Variants in DISC1 observed in about 807,000 individuals in gnomAD.
The protein encoded by DISC1 is DISC1 scaffold protein.
DISC1 carries 57 observed loss-of-function variants against 84.5 expected under a neutral mutation model. The ratio of observed to expected loss-of-function variants is 0.67; its 90% CI spans 0.55 to 0.84. DISC1 has a LOEUF of 0.84. DISC1 is among the 40% of genes least tolerant of loss of function. The pLI, the probability that DISC1 is intolerant of heterozygous loss-of-function variation, is 0.00. For synonymous variants in DISC1, 411 were observed against 415.2 expected, an observed-to-expected ratio of 0.99 and a Z score of 0.12; for missense variants, 1,000 against 1,057.8, an observed-to-expected ratio of 0.95 and a Z score of 0.76.
At chr1:231,802,516 A>G (rs1382542015) in intron 8 of DISC1, among the ~76,000 whole-genome samples, 5 of 152,148 alleles carry the variant, frequency 3.3e-5, no homozygotes, top group Admixed American at 3.3e-4. Flanking sequence ...TAGTGTGAGA[A>G]AGGACTAATA....
At chr1:231,762,514 G>GTT (rs752334318) in intron 4 of DISC1, among the ~76,000 whole-genome samples, 2 of 52,844 alleles carry the variant, frequency 3.8e-5, no homozygotes, top group African/African-American at 4.9e-5. Context: ...GTTTTGTTTT[G>GTT]TTTTTTTTTT....
At chr1:231,985,336 CAAAAAAAAAA>C (rs59619547) in intron 10 of DISC1, among the ~76,000 whole-genome samples, 44 of 99,708 alleles carry the variant, frequency 4.4e-4, no homozygotes, top group African/African-American at 1.4e-3. Context: ...CCCCACCCAC[CAAAAAAAAAA>C]AAAAAAAAAG....
chr1:232,031,086 G>A lies in DISC1; in HGVS notation c.2425+4534G>A, dbSNP rs775880595. ...TGCACACTACTACACTCCAGCCTGGGCAACAAAGTAAGACACTGCCAAAGA... is the reference window on the plus strand; with the variant it reads ...TGCACACTACTACACTCCAGCCTGGACAACAAAGTAAGACACTGCCAAAGA... On this transcript the variant is annotated intron_variant, in intron 12 of 12. Transcript: ENST00000439617. The surrounding 1 kb of genome is among the most constrained non-coding windows in gnomAD (Gnocchi z 4.6). Among the ~76,000 whole-genome samples, 3 of 151,630 alleles carry A rather than the reference G, an allele frequency of 2.0e-5. No individual in the cohort carries two copies. The highest frequency in any genetic ancestry group is 6.6e-5 in the Admixed American group (1 of 15,216).
chr1:231,790,457 T>A (rs2078246169), intron 6 of DISC1, among the ~76,000 whole-genome samples: 1 of 152,040 alleles, frequency 6.6e-6, no homozygotes, highest in African/African-American at 2.4e-5. Context: ...AGCTGTCTTC[T>A]CTTTTGTCTT....
chr1:231,719,811 TGAGAGTA>T (rs1313944312), intron 3 of DISC1, among the ~76,000 whole-genome samples: 1 of 152,212 alleles, frequency 6.6e-6, no homozygotes, highest in Non-Finnish European at 1.5e-5. Flanking sequence ...TGATGCCTGT[TGAGAGTA>T]GAGAGAAACC....
At chr1:231,755,969 T>G (rs989188779) in intron 4 of DISC1, among the ~76,000 whole-genome samples, 1 of 152,238 alleles carries the variant, frequency 6.6e-6, no homozygotes, top group East Asian at 1.9e-4. Context: ...AGAAGTATTA[T>G]GTTATGCTCA....
intron 10 of DISC1, among the ~76,000 whole-genome samples, chr1:231,977,238 A>G (rs1337537786): frequency 6.6e-6 from 1 of 152,194 alleles, no homozygotes; most frequent in Admixed American, 6.5e-5. Flanking sequence ...GCTGTAACAA[A>G]TTGTCACAAA....
At chr1:231,799,604 G>C (rs1250394879) in intron 7 of DISC1, among the ~76,000 whole-genome samples, 1 of 151,874 alleles carries the variant, frequency 6.6e-6, no homozygotes, top group African/African-American at 2.4e-5. Context: ...GTCTGGAAGG[G>C]TATGAGTGAG....
At chr1:231,778,705 G>T (rs1181029373) in intron 6 of DISC1, among the ~76,000 whole-genome samples, 2 of 152,194 alleles carry the variant, frequency 1.3e-5, no homozygotes, top group East Asian at 1.9e-4. Context: ...AGAAGGAAGA[G>T]ATTTGAAAAT....
rs199653145 is a variant in DISC1 at position 232,008,722 on chromosome 1, C to T, written c.2043-63C>T. On this transcript the variant is annotated intron_variant, in intron 10 of 12. Transcript: ENST00000439617. ...ACTTTTAGCCAGGTAGACAAGCTAT[C>T]GACTTGGTATGATGAAACATCACTG... The T allele has an allele frequency of 6.0e-6, 9 of 1,500,916 alleles. No individual in the cohort carries two copies. The Admixed American group carries it at 9.1e-5, about 15-fold the overall frequency. 93.0% of individuals were successfully genotyped at this position (1,500,916 alleles called of 1,614,324 possible). A position where few individuals can be genotyped will look rare whatever the true frequency, so the allele number is the denominator to read the frequency against.
chr1:231,651,929 G>A (rs1203700752), intron 1 of DISC1, among the ~76,000 whole-genome samples: 1 of 152,238 alleles, frequency 6.6e-6, no homozygotes, highest in Non-Finnish European at 1.5e-5. Context: ...TGTGCTGTTT[G>A]CTAAGACCAT....
At chr1:231,988,527 G>A (rs758014529) in intron 10 of DISC1, among the ~76,000 whole-genome samples, 7 of 152,174 alleles carry the variant, frequency 4.6e-5, no homozygotes, top group African/African-American at 9.7e-5. Context: ...GCTGATTAGC[G>A]CCTGTATAAA....
chr1:231,994,002 A>G (rs903337070), intron 10 of DISC1, among the ~76,000 whole-genome samples: 5 of 152,266 alleles, frequency 3.3e-5, no homozygotes, highest in African/African-American at 1.2e-4. Flanking sequence ...TGGCTTATCC[A>G]CAACAGGAAA....
At position 232,009,438 on chromosome 1, in the gene DISC1, T is replaced by C. The variant is rs1388320051; in HGVS notation, c.2307+389T>C. 8 of 562,976 alleles carry C rather than the reference T, an allele frequency of 1.4e-5. No individual in the cohort carries two copies. In the African/African-American group the frequency reaches 1.8e-4, roughly 13 times the overall value. 34.9% of individuals were successfully genotyped at this position (562,976 alleles called of 1,614,324 possible). A position where few individuals can be genotyped will look rare whatever the true frequency, so the allele number is the denominator to read the frequency against. On this transcript the variant is annotated intron_variant, in intron 11 of 12. Coordinates refer to ENST00000439617, the MANE Select transcript of DISC1 (RefSeq NM_018662.3). This position sits in a 1 kb window ranked among gnomAD's most constrained non-coding sequence, Gnocchi z 4.6. ...TAACATATATACTATACATTATGTA[T>C]TGTATGTCATATATGATGTTTATAT...
intron 1 of DISC1, among the ~76,000 whole-genome samples, chr1:231,656,481 A>G (rs1450151604): frequency 6.6e-6 from 1 of 152,224 alleles, no homozygotes; most frequent in African/African-American, 2.4e-5. Context: ...TATTCTGATT[A>G]CAATAGCCTT....
intron 12 of DISC1, among the ~76,000 whole-genome samples, chr1:232,032,086 T>C (rs9793998): frequency 0.39 from 59,116 of 151,626 alleles, 11,700 homozygotes; most frequent in African/African-American, 0.45. Flanking sequence ...AATCCAAAAA[T>C]CCCAAATCTG....
At chr1:232,004,358 ATAAG>A (rs1222752316) in intron 10 of DISC1, among the ~76,000 whole-genome samples, 6 of 152,112 alleles carry the variant, frequency 3.9e-5, no homozygotes, top group African/African-American at 1.4e-4. Flanking sequence ...CAGAAAAAGA[ATAAG>A]TAAAACACAT....
chr1:231,732,264 C>T (rs539589164), intron 3 of DISC1, among the ~76,000 whole-genome samples: 5 of 152,246 alleles, frequency 3.3e-5, no homozygotes, highest in East Asian at 1.9e-4. Flanking sequence ...TCTCATACAT[C>T]GCATCATGAA....
chr1:231,771,569 A>G (rs987723402), intron 6 of DISC1: 2 of 985,438 alleles, frequency 2.0e-6, no homozygotes, highest in Middle Eastern at 5.2e-4. Flanking sequence ...CAGTGTTATA[A>G]GCTGACTCTA....
Sources: gnomAD v4.1 joint callset for allele counts (sites outside exome capture counted in the v4.1 genomes callset) on GRCh38, gnomAD v4.1.1 for gene constraint, Gnocchi (gnomAD v3.1) non-coding constraint, MANE v1.5 for transcripts, NCBI Gene and HGNC (gene_info 2026-07-23, HGNC 2026-07-21) for gene names.